TRAM2: variants seen among roughly 807,000 people sequenced by gnomAD.
TRAM2 encodes translocating chain-associated membrane protein 2.
Under a neutral mutation model 51.0 loss-of-function variants are expected in TRAM2, and 12 were observed. The observed-to-expected ratio is 0.24, with a 90% confidence interval of 0.15 to 0.38. The LOEUF (loss-of-function observed/expected upper bound fraction) is 0.38, where lower values mean the gene tolerates loss of function less well. Ranked by LOEUF, TRAM2 falls within the 10% of genes least tolerant of loss-of-function variation. The pLI is 1.00. For synonymous variants in TRAM2, 175 were observed against 179.4 expected (o/e 0.98, Z 0.20); for missense variants, 361 against 462.0 (o/e 0.78, Z 2.00).
intron 1 of TRAM2, among the ~76,000 whole-genome samples, chr6:52,551,239 T>C (rs767018408): frequency 6.6e-6 from 1 of 152,172 alleles, no homozygotes. Flanking sequence ...AGCTTTATTA[T>C]TTTGGAAAAA....
At chr6:52,514,495 G>T (rs35382215) in intron 4 of TRAM2, among the ~76,000 whole-genome samples, 87 of 152,134 alleles carry the variant, frequency 5.7e-4, no homozygotes, top group Admixed American at 1.2e-3. Context: ...ACTGTTATGT[G>T]CCTCCCCAAG....
At chr6:52,530,822 C>T (rs985270187) in intron 2 of TRAM2, among the ~76,000 whole-genome samples, 3 of 152,096 alleles carry the variant, frequency 2.0e-5, no homozygotes, top group Non-Finnish European at 2.9e-5. Flanking sequence ...ACTTTTGTTA[C>T]ACCGGCCCTA....
At chr6:52,532,125 T>C (rs371221762) in intron 2 of TRAM2, among the ~76,000 whole-genome samples, 3 of 152,216 alleles carry the variant, frequency 2.0e-5, no homozygotes, top group South Asian at 4.1e-4. Flanking sequence ...GTGAGAAGAA[T>C]GCTTGAGGAT....
chr6:52,568,949 C>CA (rs1562490718), intron 1 of TRAM2, among the ~76,000 whole-genome samples: 1 of 152,142 alleles, frequency 6.6e-6, no homozygotes, highest in African/African-American at 2.4e-5. Context: ...ACCAGAGGTA[C>CA]AATCATCAGC....
chr6:52,551,691 T>C (rs994281070), intron 1 of TRAM2, among the ~76,000 whole-genome samples: 33 of 151,916 alleles, frequency 2.2e-4, no homozygotes, highest in African/African-American at 7.5e-4. Context: ...TGGAGATGGG[T>C]CAGATTAAAG....
Position 52,502,439 on chromosome 6 carries a change from GTC to G in TRAM2, c.*756_*757del, listed in dbSNP as rs1491260852. 2.9e-5 allele frequency: 1 copy of G among 34,738 alleles called. No individual in the cohort carries two copies. The highest frequency in any genetic ancestry group is 8.8e-5 in the African/African-American group (1 of 11,312). 2.2% of individuals were successfully genotyped at this position (34,738 alleles called of 1,614,324 possible). A position where few individuals can be genotyped will look rare whatever the true frequency, so the allele number is the denominator to read the frequency against. ...CTCGCTCTAAGCAGTGGGAAGACGTGTCCCCCCCCACAGAGCGACAGCAGGCT... is the reference window on the plus strand; with the variant it reads ...CTCGCTCTAAGCAGTGGGAAGACGTGCCCCCCCACAGAGCGACAGCAGGCT... On this transcript the variant is annotated 3_prime_UTR_variant, in exon 11 of 11. Transcript: ENST00000182527.
intron 2 of TRAM2, 142 bp from the exon 3 acceptor site, chr6:52,516,879 G>C: frequency 1.5e-6 from 1 of 664,070 alleles, no homozygotes; most frequent in Admixed American, 2.5e-5. Context: ...GAAGGTTTCT[G>C]CCCCAGAATC....
chr6:52,502,842 G>A lies in TRAM2; in HGVS notation c.*355C>T, dbSNP rs1766260591. 1 of 231,144 alleles carries A rather than the reference G, an allele frequency of 4.3e-6. No homozygotes were observed. Among genetic ancestry groups the A allele is most frequent in the Non-Finnish European group, 8.4e-6 (1 of 119,158 alleles). The allele number at this position is 231,144 out of a possible 1,614,324, so 14.3% of individuals were successfully genotyped here. On this transcript the variant is annotated 3_prime_UTR_variant, in exon 11 of 11. Transcript: ENST00000182527. ...AAAATTGCAAGATAAGGTGAAAATA[G>A]GAAGTAAAAAGGAAAAGCAGCAGCC...
chr6:52,507,124 CA>C (rs1438931692), intron 7 of TRAM2, among the ~76,000 whole-genome samples: 1 of 152,134 alleles, frequency 6.6e-6, no homozygotes, highest in African/African-American at 2.4e-5. Flanking sequence ...CATTATAAAC[CA>C]AAGGGAAGGG....
intron 10 of TRAM2, 145 bp from the exon 11 acceptor site, chr6:52,503,415 T>A: frequency 2.7e-6 from 2 of 731,804 alleles, no homozygotes; most frequent in Non-Finnish European, 4.8e-6. Flanking sequence ...GGCTGCAGCC[T>A]TGCACAGCAA....
rs1427909454 is a variant in TRAM2, at chr6:52,502,286, T to G, written c.*911A>C. ...TATGAACTGCTGTTTGGTTTGGTTT[T>G]GAATGCTTGTGAATGGCTGAAAAAG... is the stretch of plus-strand genomic sequence containing the variant. On this transcript the variant is annotated 3_prime_UTR_variant, in exon 11 of 11. Transcript: ENST00000182527. The G allele has an allele frequency of 6.6e-6, 1 of 152,292 alleles. No individual in the cohort carries two copies. Among genetic ancestry groups the G allele is most frequent in the Non-Finnish European group, 1.5e-5 (1 of 68,080 alleles). The allele number at this position is 152,292 out of a possible 1,614,324, so 9.4% of individuals were successfully genotyped here.
At chr6:52,551,673 T>C (rs1216663765) in intron 1 of TRAM2, among the ~76,000 whole-genome samples, 1 of 152,230 alleles carries the variant, frequency 6.6e-6, no homozygotes, top group Non-Finnish European at 1.5e-5. Context: ...CTCTGCCAGC[T>C]GGCAACCTGG....
chr6:52,544,047 T>A (rs1767152022), intron 1 of TRAM2, among the ~76,000 whole-genome samples: 1 of 152,166 alleles, frequency 6.6e-6, no homozygotes, highest in Admixed American at 6.5e-5. Context: ...CCCCACATTT[T>A]GACTGAAGAG....
rs148247059 is a variant in TRAM2, at chr6:52,549,113, C to G, written c.121-13267G>C. ...GCTTAGGATAGTCATAACGGCTTTA[C>G]GGGGGCTGTCCACCGTGTGGTCCAA... On this transcript the variant is annotated intron_variant, in intron 1 of 10. Coordinates refer to ENST00000182527, the MANE Select transcript of TRAM2 (RefSeq NM_012288.4). Among the ~76,000 whole-genome samples, 1,038 of 152,278 alleles carry G rather than the reference C, an allele frequency of 6.8e-3. 6 individuals are homozygous for G. The highest frequency in any genetic ancestry group is 0.02 in the Middle Eastern group (6 of 294).
Position 52,506,095 on chromosome 6 carries a change from G to A in TRAM2, c.668C>T (p.Ser223Leu), listed in dbSNP as rs748336277. 3.1e-6 allele frequency: 5 copies of A among 1,614,160 alleles called. No individual in the cohort carries two copies. The East Asian group carries it at 8.9e-5, about 29-fold the overall frequency. Residue 223 changes from serine to leucine, a missense_variant, in exon 8 of 11, where the codon TCA becomes TTA. Transcript: ENST00000182527. ...LGLILLLLQY[S>L]TEFLFHTARL... ...AGCCGTGTGGAAGAGGAACTCAGTT[G>A]AGTACTGCAGCAGCAGCAAGATCAG...
intron 6 of TRAM2, 72 bp downstream of exon 6, chr6:52,508,162 G>T: frequency 7.2e-7 from 1 of 1,393,848 alleles, no homozygotes; most frequent in Non-Finnish European, 1.0e-6. Context: ...AGGAAGGGAG[G>T]TACCCCTGGG....
At chr6:52,545,230 A>T (rs928070293) in intron 1 of TRAM2, among the ~76,000 whole-genome samples, 1 of 152,140 alleles carries the variant, frequency 6.6e-6, no homozygotes, top group African/African-American at 2.4e-5. Flanking sequence ...GCTGGGTCTC[A>T]GAGGTTGACA....
intron 8 of TRAM2, 93 bp downstream of exon 8, chr6:52,505,939 G>A (rs1191018075): frequency 1.4e-6 from 2 of 1,464,480 alleles, no homozygotes; most frequent in African/African-American, 1.4e-5. Context: ...AGCGGGCAGT[G>A]TGCAACCAGG....
At chr6:52,565,104 C>G (rs1439979355) in intron 1 of TRAM2, among the ~76,000 whole-genome samples, 1 of 152,076 alleles carries the variant, frequency 6.6e-6, no homozygotes, top group Non-Finnish European at 1.5e-5. Flanking sequence ...TGTGGGGAAG[C>G]TTTGAAGCCA....
Sources: allele counts gnomAD v4.1 joint callset (sites outside exome capture counted in the v4.1 genomes callset), GRCh38; gene constraint gnomAD v4.1.1; transcripts MANE v1.5; gene names NCBI Gene and HGNC (gene_info 2026-07-23, HGNC 2026-07-21).